DIS3: variants seen among roughly 807,000 people sequenced by gnomAD.
DIS3 encodes exosome complex exonuclease RRP44.
Under a neutral mutation model 113.0 loss-of-function variants are expected in DIS3, and 103 were observed. That is an observed-to-expected ratio of 0.91 (90% CI 0.78 to 1.07). The LOEUF (loss-of-function observed/expected upper bound fraction) is 1.07, where lower values mean the gene tolerates loss of function less well. Among genes scored for constraint, DIS3 ranks in the 50% least tolerant of loss-of-function variants. The probability of loss-of-function intolerance (pLI) is 0.00; values close to 1 mark genes in which losing one functional copy is unlikely to be tolerated. For synonymous variants in DIS3, 402 were observed against 394.3 expected, an observed-to-expected ratio of 1.02 and a Z score of -0.23; for missense variants, 1,121 against 1,167.1, an observed-to-expected ratio of 0.96 and a Z score of 0.58.
intron 20 of DIS3, 138 bp from the exon 21 acceptor site, chr13:72,760,016 G>C (rs2033586709): frequency 4.5e-6 from 3 of 671,058 alleles, no homozygotes; most frequent in Non-Finnish European, 5.1e-6. Flanking sequence ...CTAATTAAAG[G>C]TTTTATACAC....
At chr13:72,772,049 A>C (rs1237616483) in intron 10 of DIS3, 110 bp downstream of exon 10, 2 of 1,205,154 alleles carry the variant, frequency 1.7e-6, no homozygotes, top group African/African-American at 3.0e-5. Flanking sequence ...GCGTGCAGCT[A>C]CAATTATACT....
intron 19 of DIS3, 49 bp from the exon 20 acceptor site, chr13:72,760,700 G>A: frequency 1.3e-6 from 2 of 1,592,706 alleles, no homozygotes; most frequent in Non-Finnish European, 1.7e-6. Flanking sequence ...TACATTTGAG[G>A]CTTTGTTCTA....
rs771100271 is a variant in DIS3 at position 72,770,922 on chromosome 13, T to C, written c.1737A>G (p.Lys579=). The change falls in exon 13 of 21, where the codon AAA becomes AAG. Residue 579 remains lysine, a synonymous_variant. Transcript: ENST00000377767. The part of the protein sequence containing the change: ...NAEILKTKFT[K]SVINSKASLT... ...AACGAACCTTTGAATTAATAACACT[T>C]TTGGTAAACTTCGTTTTTAAGATTT... The C allele has an allele frequency of 1.9e-5, 30 of 1,605,268 alleles. No homozygotes were observed. The highest frequency in any genetic ancestry group is 2.6e-5 in the Non-Finnish European group (30 of 1,175,474).
chr13:72,772,898 T>C, intron 8 of DIS3, 59 bp from the exon 9 acceptor site: 2 of 1,495,806 alleles, frequency 1.3e-6, no homozygotes, highest in Non-Finnish European at 1.8e-6. Context: ...CATCTTATCA[T>C]ATTAAATTCT....
At chr13:72,770,309 A>T (rs1012197273) in intron 13 of DIS3, among the ~76,000 whole-genome samples, 2 of 152,090 alleles carry the variant, frequency 1.3e-5, no homozygotes, top group Non-Finnish European at 2.9e-5. Context: ...AAATTTTGCT[A>T]TAACAGTGCC....
chr13:72,772,830 C>T lies in DIS3; in HGVS notation c.1249G>A (p.Val417Met), dbSNP rs2033920105. The T allele has an allele frequency of 1.9e-6, 3 of 1,600,670 alleles. No individual in the cohort carries two copies. The highest frequency in any genetic ancestry group is 2.3e-5 in the South Asian group (2 of 87,876). ...TCTCCAACATCACCTAAATTTCTCA[C>T]AAAGTGTCCCTGAAACCAAGAGGCA... is the stretch of plus-strand genomic sequence containing the variant. The part of the protein sequence containing the change: ...RNSRYPNGHF[V>M]RNLGDVGEKE... Residue 417 changes from valine (V) to methionine (M), a missense_variant, in exon 9 of 21, where the codon GTG becomes ATG. By Grantham distance (21) the Val-to-Met change is conservative. This residue lies in a region of DIS3 where 861 missense variants were observed against 915.5 expected (regional missense o/e 0.94). Coordinates refer to ENST00000377767, the MANE Select transcript of DIS3 (RefSeq NM_014953.5).
intron 3 of DIS3, 60 bp from the exon 4 acceptor site, chr13:72,777,553 T>C (rs2034046721): frequency 1.4e-6 from 2 of 1,419,180 alleles, no homozygotes; most frequent in East Asian, 2.3e-5. Flanking sequence ...ATGAAAAAAA[T>C]GGATAGTCTT....
intron 1 of DIS3, 177 bp from the exon 2 acceptor site, chr13:72,781,180 C>A (rs1425894397): frequency 7.7e-6 from 11 of 1,420,308 alleles, no homozygotes; most frequent in Non-Finnish European, 9.7e-6. Context: ...CCCTTCAGAT[C>A]TATTAAAAAA....
At chr13:72,765,007 A>G (rs1251369296) in intron 15 of DIS3, among the ~76,000 whole-genome samples, 1 of 152,188 alleles carries the variant, frequency 6.6e-6, no homozygotes, top group Non-Finnish European at 1.5e-5. Context: ...CTAAGTAAAA[A>G]ATTTGAGTAT....
At position 72,780,905 on chromosome 13, in the gene DIS3, G is replaced by C; in HGVS notation, c.327C>G (p.Ile109Met). The change falls in exon 2 of 21, where the codon ATC becomes ATG. Residue 109 changes from isoleucine to methionine, a missense_variant. By Grantham distance (10) the Ile-to-Met change is conservative. Around this residue, in one of 3 missense-constraint regions of DIS3, gnomAD observed 254 missense variants for 232.2 expected, o/e 1.09. Transcript: ENST00000377767. ...TCTCTTGGTTATTAGTCACATCTCG[G>C]ATGCGTTTATATACGGGGGCACTGC... ...RNRSAPVYKR[I>M]RDVTNNQEKH... 15 of 1,612,318 alleles carry C rather than the reference G, an allele frequency of 9.3e-6. No homozygotes were observed. Among genetic ancestry groups the C allele is most frequent in the Non-Finnish European group, 1.3e-5 (15 of 1,179,434 alleles).
chr13:72,772,373 A>T, intron 9 of DIS3, 98 bp from the exon 10 acceptor site: 1 of 928,610 alleles, frequency 1.1e-6, no homozygotes, highest in Non-Finnish European at 1.6e-6. Flanking sequence ...ATACAAAAAC[A>T]ATTTAGCTGT....
rs1593860148 is a variant in DIS3, at chr13:72,781,687, T to C, written c.146A>G (p.Glu49Gly). Residue 49 changes from glutamate (E) to glycine (G), a missense_variant, in exon 1 of 21, where the codon GAG becomes GGG. This residue lies in a region of DIS3 where 254 missense variants were observed against 232.2 expected (regional missense o/e 1.09). Coordinates refer to ENST00000377767, the MANE Select transcript of DIS3 (RefSeq NM_014953.5). ...CGGAHEGPAL[E>G]PQPQDPASSV... ...GCTCGCCGGGTCCTGGGGCTGCGGC[T>C]CCAGGGCCGGCCCCTCGTGCGCCCC... 1 of 1,555,352 alleles carries C rather than the reference T, an allele frequency of 6.4e-7. No homozygotes were observed. The highest frequency in any genetic ancestry group is 8.7e-7 in the Non-Finnish European group (1 of 1,150,568).
At chr13:72,764,179 A>G (rs1277611634) in intron 15 of DIS3, among the ~76,000 whole-genome samples, 1 of 152,104 alleles carries the variant, frequency 6.6e-6, no homozygotes, top group East Asian at 1.9e-4. Context: ...TTGCACTCAA[A>G]AACAGAAGCT....
chr13:72,776,233 C>G (rs986266954), intron 4 of DIS3, 141 bp from the exon 5 acceptor site: 4 of 774,512 alleles, frequency 5.2e-6, no homozygotes, highest in African/African-American at 1.8e-5. Context: ...AGCAGTGTTT[C>G]TTATAGGCCA....
In DIS3 at chr13:72,754,099, C is replaced by G. The variant is rs960306083; in HGVS notation, c.*5696G>C. ...TTATATATTCATACTTGAAGAAACT[C>G]ATCATAATTTCAGGCACTAGTCAGG... On this transcript the variant is annotated 3_prime_UTR_variant, in exon 21 of 21. Transcript: ENST00000377767. 1.5e-5 allele frequency: 4 copies of G among 263,656 alleles called. No homozygotes were observed. Among genetic ancestry groups the G allele is most frequent in the Admixed American group, 1.5e-4 (3 of 19,920 alleles). 16.3% of individuals were successfully genotyped at this position (263,656 alleles called of 1,614,324 possible). A position where few individuals can be genotyped will look rare whatever the true frequency, so the allele number is the denominator to read the frequency against.
At chr13:72,767,259 C>T (rs555703019) in intron 14 of DIS3, among the ~76,000 whole-genome samples, 1 of 151,978 alleles carries the variant, frequency 6.6e-6, no homozygotes, top group South Asian at 2.1e-4. Flanking sequence ...AAAATACAGA[C>T]TGCTGAAATT....
chr13:72,765,556 G>T (rs1239724687), intron 15 of DIS3, among the ~76,000 whole-genome samples: 1 of 152,140 alleles, frequency 6.6e-6, no homozygotes, highest in Non-Finnish European at 1.5e-5. Context: ...CAATAGGACT[G>T]GCGCTCCAAT....
rs955339716 is a variant in DIS3 at position 72,754,305 on chromosome 13, C to CT, written c.*5489dup. 1.3e-3 allele frequency: 190 copies of CT among 151,192 alleles called. No homozygotes were observed. Among genetic ancestry groups the CT allele is most frequent in the African/African-American group, 4.5e-3 (173 of 38,128 alleles). The allele number at this position is 151,192 out of a possible 1,614,324, so 9.4% of individuals were successfully genotyped here. A position where few individuals can be genotyped will look rare whatever the true frequency, so the allele number is the denominator to read the frequency against. ...ACATGCCCAGCCTTGTATGCCGTTTCTTTTTTTTCTTTTTTTTTTTTTTTG... is the reference window on the plus strand; with the variant it reads ...ACATGCCCAGCCTTGTATGCCGTTTCTTTTTTTTTCTTTTTTTTTTTTTTTG... On this transcript the variant is annotated 3_prime_UTR_variant, in exon 21 of 21. Coordinates refer to ENST00000377767, the MANE Select transcript of DIS3 (RefSeq NM_014953.5).
chr13:72,778,488 A>C (rs1026518137), intron 2 of DIS3, 108 bp from the exon 3 acceptor site: 1 of 792,068 alleles, frequency 1.3e-6, no homozygotes, highest in African/African-American at 1.7e-5. Flanking sequence ...AGTCAATGGT[A>C]TATCTTTTCT....
Sources: allele counts gnomAD v4.1 joint callset (sites outside exome capture counted in the v4.1 genomes callset), GRCh38; gene constraint gnomAD v4.1.1; regional missense constraint gnomAD v4.1.1; transcripts MANE v1.5; gene names NCBI Gene and HGNC (gene_info 2026-07-23, HGNC 2026-07-21).